Variants in MAGI3 observed in about 807,000 individuals in gnomAD.
The protein encoded by MAGI3 is membrane-associated guanylate kinase, WW and PDZ domain-containing protein 3.
Under a neutral mutation model 121.8 loss-of-function variants are expected in MAGI3, and 43 were observed. The ratio of observed to expected loss-of-function variants is 0.35; its 90% CI spans 0.28 to 0.46. MAGI3 has a LOEUF of 0.46. Ranked by LOEUF, MAGI3 falls within the 20% of genes least tolerant of loss-of-function variation. The pLI is 1.00. For synonymous variants in MAGI3, 553 were observed against 639.3 expected, an observed-to-expected ratio of 0.86 and a Z score of 2.04; for missense variants, 1,547 against 1,797.3, an observed-to-expected ratio of 0.86 and a Z score of 2.52.
chr1:113,446,700 A>G (rs925663828), intron 1 of MAGI3, among the ~76,000 whole-genome samples: 2 of 152,232 alleles, frequency 1.3e-5, no homozygotes, highest in Non-Finnish European at 2.9e-5. Context: ...TACTCCATGC[A>G]ATAGTAACCA....
chr1:113,405,474 CAAAAAAAA>C (rs5777158), intron 1 of MAGI3, among the ~76,000 whole-genome samples: 10 of 54,326 alleles, frequency 1.8e-4, no homozygotes, highest in East Asian at 1.1e-3. Context: ...GAAACTGTCT[CAAAAAAAA>C]AAAAAAAAAA....
intron 9 of MAGI3, among the ~76,000 whole-genome samples, chr1:113,627,482 A>G (rs1239410167): frequency 2.0e-5 from 3 of 151,172 alleles, no homozygotes; most frequent in Non-Finnish European, 4.4e-5. Context: ...TTCCTTGTTG[A>G]TTTTCTGTCT....
intron 2 of MAGI3, among the ~76,000 whole-genome samples, chr1:113,560,478 C>T (rs1557823717): frequency 1.3e-5 from 2 of 151,914 alleles, no homozygotes; most frequent in South Asian, 2.1e-4. Context: ...TAAAACCATA[C>T]AACTACATGG....
chr1:113,497,180 C>G (rs1370339769), intron 1 of MAGI3, among the ~76,000 whole-genome samples: 1 of 151,794 alleles, frequency 6.6e-6, no homozygotes, highest in Non-Finnish European at 1.5e-5. Flanking sequence ...TCACTTGATC[C>G]CAGGAGGTGG....
Position 113,684,331 on chromosome 1 carries a change from A to G in MAGI3, c.*317A>G. On this transcript the variant is annotated 3_prime_UTR_variant, in exon 21 of 21. Transcript: ENST00000307546. The stretch of plus-strand genomic sequence containing the variant: ...ATGTTGATATTAACAATGTGGTCAC[A>G]ACTCACTTTGTATTTGTGCCAAGTT... 1 of 191,524 alleles carries G rather than the reference A, an allele frequency of 5.2e-6. No homozygotes were observed. The highest frequency in any genetic ancestry group is 1.3e-4 in the East Asian group (1 of 7,944). The allele number at this position is 191,524 out of a possible 1,614,324, so 11.9% of individuals were successfully genotyped here. A position where few individuals can be genotyped will look rare whatever the true frequency, so the allele number is the denominator to read the frequency against.
chr1:113,489,580 T>C (rs1656573497), intron 1 of MAGI3, among the ~76,000 whole-genome samples: 1 of 151,958 alleles, frequency 6.6e-6, no homozygotes, highest in African/African-American at 2.4e-5. Flanking sequence ...AGAATGTGGA[T>C]AGGAACAAAG....
intron 9 of MAGI3, 140 bp downstream of exon 9, chr1:113,623,134 T>C (rs1284810950): frequency 1.6e-6 from 1 of 638,004 alleles, no homozygotes. Context: ...AAATAGTTTA[T>C]ACTTTAATTT....
At chr1:113,544,486 G>C (rs932223057) in intron 1 of MAGI3, among the ~76,000 whole-genome samples, 3 of 152,218 alleles carry the variant, frequency 2.0e-5, no homozygotes, top group Non-Finnish European at 4.4e-5. Flanking sequence ...TTCAAGGCTA[G>C]AGAGTTCTAA....
At chr1:113,449,811 ACACT>A (rs1440169096) in intron 1 of MAGI3, 1 of 1,157,018 alleles carries the variant, frequency 8.6e-7, no homozygotes. Flanking sequence ...GAAATGGGGC[ACACT>A]CACAGATTGT....
At chr1:113,535,466 C>CT (rs879614937) in intron 1 of MAGI3, among the ~76,000 whole-genome samples, 2 of 151,824 alleles carry the variant, frequency 1.3e-5, no homozygotes, top group Non-Finnish European at 2.9e-5. Flanking sequence ...GCACCTTCCT[C>CT]TTTTTTTTAA....
intron 1 of MAGI3, among the ~76,000 whole-genome samples, chr1:113,395,116 T>TTTTTTTTTTTTTA (rs1651035975): frequency 1.1e-5 from 1 of 90,568 alleles, no homozygotes; most frequent in African/African-American, 4.5e-5. Context: ...TTTTTTTTTT[T>TTTTTTTTTTTTTA]AGTGGGATAT....
chr1:113,642,098 A>G lies in MAGI3; in HGVS notation c.1548A>G (p.Gly516=), dbSNP rs926193471. The G allele has an allele frequency of 5.0e-6, 8 of 1,614,016 alleles. No individual in the cohort carries two copies. Among genetic ancestry groups the G allele is most frequent in the South Asian group, 3.3e-5 (3 of 91,086 alleles). Residue 516 remains glycine (G), a synonymous_variant, in exon 10 of 21, where the codon GGA becomes GGG. Coordinates refer to ENST00000307546, the MANE Select transcript of MAGI3 (RefSeq NM_001142782.2). Reference sequence around the variant, plus strand: ...TTGCTGCTACCCCTGTCATCAATGGACAGTCATTAACCAAGGGAGAGACTT... The same window carrying G: ...TTGCTGCTACCCCTGTCATCAATGGGCAGTCATTAACCAAGGGAGAGACTT... ...DIVAATPVIN[G]QSLTKGETCM...
At chr1:113,601,320 C>T (rs1168098577) in intron 6 of MAGI3, among the ~76,000 whole-genome samples, 1 of 152,154 alleles carries the variant, frequency 6.6e-6, no homozygotes, top group Non-Finnish European at 1.5e-5. Context: ...GCAATCTACT[C>T]ATCTGACAAA....
intron 1 of MAGI3, among the ~76,000 whole-genome samples, chr1:113,485,820 C>T (rs923145069): frequency 6.6e-5 from 10 of 152,076 alleles, no homozygotes; most frequent in African/African-American, 2.4e-4. Context: ...GTGTTTGATC[C>T]ATCTTGAGTT....
intron 7 of MAGI3, chr1:113,618,652 T>C (rs1172370303): frequency 1.2e-5 from 4 of 346,098 alleles, no homozygotes; most frequent in African/African-American, 2.3e-5. Context: ...ATTACAGGCA[T>C]GCACCACCAC....
intron 1 of MAGI3, among the ~76,000 whole-genome samples, chr1:113,530,002 G>T (rs1272637889): frequency 3.3e-5 from 5 of 151,960 alleles, no homozygotes; most frequent in Non-Finnish European, 1.5e-5. Context: ...GTGATAGTGG[G>T]CATTGATGCT....
chr1:113,456,938 G>A (rs1193283096), intron 1 of MAGI3, among the ~76,000 whole-genome samples: 1 of 151,500 alleles, frequency 6.6e-6, no homozygotes, highest in Non-Finnish European at 1.5e-5. Flanking sequence ...AGGAGATACA[G>A]TTCCCATTTA....
In MAGI3 at chr1:113,543,281, T is replaced by C. The variant is rs547899176; in HGVS notation, c.317-6234T>C. ...ACCATTTTGTGAATATGTTTTAAAA[T>C]GTTAATAAATAAAGAACAAAATTTG... On this transcript the variant is annotated intron_variant, in intron 1 of 20. Transcript: ENST00000307546. Among the ~76,000 whole-genome samples the C allele has an allele frequency of 3.2e-4, 48 of 152,312 alleles. 1 individual carries two copies. Among genetic ancestry groups the C allele is most frequent in the Middle Eastern group, 3.4e-3 (1 of 294 alleles).
rs1480274170 is a variant in MAGI3, at chr1:113,391,440, A to G, written c.316+91A>G. The stretch of plus-strand genomic sequence containing the variant: ...GAGCGGCGGCACCTCCCCACCGCGT[A>G]TTGTCCCGGGTAATCTTAGACCTCT... On this transcript the variant is annotated intron_variant, in intron 1 of 20. Coordinates refer to ENST00000307546, the MANE Select transcript of MAGI3 (RefSeq NM_001142782.2). The surrounding 1 kb of genome is among the most constrained non-coding windows in gnomAD (Gnocchi z 4.4). 1 of 1,381,944 alleles carries G rather than the reference A, an allele frequency of 7.2e-7. No homozygotes were observed. The highest frequency in any genetic ancestry group is 2.5e-5 in the East Asian group (1 of 40,122). The allele number at this position is 1,381,944 out of a possible 1,614,324, so 85.6% of individuals were successfully genotyped here.
Sources: gnomAD v4.1 joint callset for allele counts (sites outside exome capture counted in the v4.1 genomes callset) on GRCh38, gnomAD v4.1.1 for gene constraint, Gnocchi (gnomAD v3.1) non-coding constraint, MANE v1.5 for transcripts, NCBI Gene and HGNC (gene_info 2026-07-23, HGNC 2026-07-21) for gene names.